GFPT2: variants seen among roughly 807,000 people sequenced by gnomAD.
GFPT2 encodes the protein glutamine--fructose-6-phosphate transaminase 2.
GFPT2 carries 62 observed loss-of-function variants against 85.6 expected under a neutral mutation model. That is an observed-to-expected ratio of 0.72 (90% CI 0.59 to 0.90). The LOEUF (loss-of-function observed/expected upper bound fraction) is 0.90, where lower values mean the gene tolerates loss of function less well. Among genes scored for constraint, GFPT2 ranks in the 40% least tolerant of loss-of-function variants. GFPT2 has a pLI of 0.00. For synonymous variants in GFPT2, 368 were observed against 344.5 expected, an observed-to-expected ratio of 1.07 and a Z score of -0.75; for missense variants, 788 against 893.4, an observed-to-expected ratio of 0.88 and a Z score of 1.50.
At position 180,330,872 on chromosome 5, in the gene GFPT2, A is replaced by G. The variant is rs756965318; in HGVS notation, c.400-38T>C. The stretch of plus-strand genomic sequence containing the variant: ...GTCGGCACAGTGTGAGAGATTGGTC[A>G]TTGCACAATGCCTGCCTGGCCAACT... On this transcript the variant is annotated intron_variant, in intron 5 of 18. Coordinates refer to ENST00000253778, the MANE Select transcript of GFPT2 (RefSeq NM_005110.4). This position sits in a 1 kb window ranked among gnomAD's most constrained non-coding sequence, Gnocchi z 4.4. The G allele has an allele frequency of 3.7e-6, 6 of 1,603,156 alleles. No homozygotes were observed. The East Asian group carries it at 1.3e-4, about 36-fold the overall frequency.
intron 8 of GFPT2, among the ~76,000 whole-genome samples, 170 bp downstream of exon 8, chr5:180,324,646 A>C (rs1403410087): frequency 6.6e-6 from 1 of 152,178 alleles, no homozygotes; most frequent in Non-Finnish European, 1.5e-5. Flanking sequence ...AAAAAAATGG[A>C]GCCAAGTCTC....
At chr5:180,344,385 C>T (rs566829695) in intron 1 of GFPT2, among the ~76,000 whole-genome samples, 18 of 152,090 alleles carry the variant, frequency 1.2e-4, no homozygotes, top group Non-Finnish European at 2.5e-4. Flanking sequence ...CACATGTGCC[C>T]CTATGTGAAT....
chr5:180,321,845 G>A lies in GFPT2; in HGVS notation c.794+2343C>T, dbSNP rs532715076. Among the ~76,000 whole-genome samples the A allele has an allele frequency of 1.3e-3, 204 of 152,300 alleles. 1 individual carries two copies. In the Middle Eastern group the frequency reaches 0.014, roughly 10 times the overall value. ...GTTGCCCAGGCTGGAGTGCAGTGGC[G>A]CGATCTCGGCTCACTGCAAGCTCCG... On this transcript the variant is annotated intron_variant, in intron 9 of 18. Transcript: ENST00000253778.
At position 180,300,810 on chromosome 5, in the gene GFPT2, C is replaced by CA. The variant is rs1382666574; in HGVS notation, c.*753dup. The CA allele has an allele frequency of 6.5e-6, 1 of 152,750 alleles. No homozygotes were observed. Among genetic ancestry groups the CA allele is most frequent in the East Asian group, 1.9e-4 (1 of 5,188 alleles). The allele number at this position is 152,750 out of a possible 1,614,324, so 9.5% of individuals were successfully genotyped here. On this transcript the variant is annotated 3_prime_UTR_variant, in exon 19 of 19. Transcript: ENST00000253778. ...AACTACTCTCTTGCATGGGATATTT[C>CA]AAGCTGTTTTACTATGGGCAAGGAG...
At chr5:180,320,213 C>G (rs1417010333) in intron 9 of GFPT2, among the ~76,000 whole-genome samples, 1 of 151,854 alleles carries the variant, frequency 6.6e-6, no homozygotes, top group Non-Finnish European at 1.5e-5. Flanking sequence ...AGGATGGTCT[C>G]GATCTCCTGA....
chr5:180,327,675 T>C (rs1011873465), intron 7 of GFPT2, among the ~76,000 whole-genome samples: 1 of 152,300 alleles, frequency 6.6e-6, no homozygotes, highest in East Asian at 1.9e-4. Flanking sequence ...AGTTGCATGG[T>C]TGGATGGATG....
intron 6 of GFPT2, among the ~76,000 whole-genome samples, chr5:180,329,361 G>C (rs1403842191): frequency 2.0e-5 from 3 of 152,194 alleles, no homozygotes; most frequent in Non-Finnish European, 4.4e-5. Flanking sequence ...AAATAGGACT[G>C]AATGGAAAAA....
chr5:180,319,770 T>C (rs1349255151), intron 9 of GFPT2, among the ~76,000 whole-genome samples: 1 of 152,082 alleles, frequency 6.6e-6, no homozygotes, highest in Non-Finnish European at 1.5e-5. Flanking sequence ...CAAACCTGAA[T>C]AAGATCGAGC....
intron 9 of GFPT2, among the ~76,000 whole-genome samples, 189 bp from the exon 10 acceptor site, chr5:180,319,145 G>T (rs778554607): frequency 1.3e-5 from 2 of 152,138 alleles, no homozygotes; most frequent in African/African-American, 4.8e-5. Context: ...CTGTCCCCAC[G>T]GAATTATTTT....
In GFPT2 at chr5:180,351,202, C is replaced by G. The variant is rs777751665; in HGVS notation, c.7+2009G>C. Among the ~76,000 whole-genome samples the G allele has an allele frequency of 3.0e-4, 45 of 152,334 alleles. 1 individual carries two copies. Among genetic ancestry groups the G allele is most frequent in the Admixed American group, 1.6e-3 (25 of 15,298 alleles). On this transcript the variant is annotated intron_variant, in intron 1 of 18. Transcript: ENST00000253778. ...ATACATACTCAGACCATCATCCCCC[C>G]CAAACAGACCAATGTATTCAATTCT...
At chr5:180,310,651 T>C (rs554238026) in intron 15 of GFPT2, among the ~76,000 whole-genome samples, 1 of 151,730 alleles carries the variant, frequency 6.6e-6, no homozygotes, top group African/African-American at 2.4e-5. Context: ...CCGCAGGTGA[T>C]CCGCCCACTT....
Position 180,330,824 on chromosome 5 carries a change from C to T in GFPT2, c.410G>A (p.Gly137Asp), listed in dbSNP as rs763256022. The T allele has an allele frequency of 3.7e-6, 6 of 1,613,834 alleles. No individual in the cohort carries two copies. Among genetic ancestry groups the T allele is most frequent in the Middle Eastern group, 1.6e-4 (1 of 6,084 alleles). ...ATCTGTTTCTGACTCAAACTCGTAG[C>T]CTTTGCTTTCCTGGAATATGCAGTC... ...KDLRKFLESK[G>D]YEFESETDTE... Residue 137 changes from glycine (G) to aspartate (D), a missense_variant, in exon 6 of 19, where the codon GGC becomes GAC. Coordinates refer to ENST00000253778, the MANE Select transcript of GFPT2 (RefSeq NM_005110.4). The surrounding 1 kb of genome is among the most constrained non-coding windows in gnomAD (Gnocchi z 4.4).
rs545869943 is a variant in GFPT2, at chr5:180,301,410, G to A, written c.*154C>T. The A allele has an allele frequency of 1.4e-6, 1 of 697,198 alleles. No individual in the cohort carries two copies. The highest frequency in any genetic ancestry group is 1.7e-5 in the South Asian group (1 of 58,038). 43.2% of individuals were successfully genotyped at this position (697,198 alleles called of 1,614,324 possible). A position where few individuals can be genotyped will look rare whatever the true frequency, so the allele number is the denominator to read the frequency against. On this transcript the variant is annotated 3_prime_UTR_variant, in exon 19 of 19. Transcript: ENST00000253778. Reference sequence around the variant, plus strand: ...GAAACAGTATCTGCTGTAAGCAAAAGCACTTGGGTAGAAGGCACGTGGAAG... The same window carrying A: ...GAAACAGTATCTGCTGTAAGCAAAAACACTTGGGTAGAAGGCACGTGGAAG...
At chr5:180,314,735 G>C (rs975705319) in intron 13 of GFPT2, among the ~76,000 whole-genome samples, 8 of 152,114 alleles carry the variant, frequency 5.3e-5, no homozygotes, top group African/African-American at 1.9e-4. Flanking sequence ...TTATGGCACT[G>C]GAGTGTCACG....
intron 1 of GFPT2, among the ~76,000 whole-genome samples, chr5:180,350,919 C>T (rs941987513): frequency 2.6e-5 from 4 of 152,198 alleles, no homozygotes; most frequent in Admixed American, 6.5e-5. Flanking sequence ...CCTGAGGGAA[C>T]GGCCCAGGAG....
intron 1 of GFPT2, among the ~76,000 whole-genome samples, chr5:180,351,670 G>C (rs2127659529): frequency 6.6e-6 from 1 of 152,318 alleles, no homozygotes; most frequent in Middle Eastern, 3.4e-3. Context: ...ACGCGTGTGT[G>C]TCCCTTTAAG....
chr5:180,307,364 T>C, intron 15 of GFPT2, 61 bp from the exon 16 acceptor site: 2 of 1,552,906 alleles, frequency 1.3e-6, no homozygotes, highest in Non-Finnish European at 8.9e-7. Context: ...GCAATATTCA[T>C]GAAGACAAAT....
chr5:180,305,399 C>T (rs1399119913), intron 16 of GFPT2, among the ~76,000 whole-genome samples: 1 of 152,230 alleles, frequency 6.6e-6, no homozygotes. Flanking sequence ...AGCAAAATCA[C>T]ACAAACTGGG....
intron 2 of GFPT2, among the ~76,000 whole-genome samples, chr5:180,337,037 T>TC (rs1237202832): frequency 2.0e-5 from 3 of 152,246 alleles, no homozygotes; most frequent in African/African-American, 7.2e-5. Context: ...CCCTTTCTCC[T>TC]CAGGCTGCAT....
Sources: gnomAD v4.1 joint callset for allele counts (sites outside exome capture counted in the v4.1 genomes callset) on GRCh38, gnomAD v4.1.1 for gene constraint, Gnocchi (gnomAD v3.1) non-coding constraint, MANE v1.5 for transcripts, NCBI Gene and HGNC (gene_info 2026-07-23, HGNC 2026-07-21) for gene names.